WWTR1: variants seen among roughly 807,000 people sequenced by gnomAD.
WWTR1 encodes WW domain containing transcription regulator 1.
A neutral mutation model predicts 40.1 loss-of-function variants in WWTR1; 13 were observed. The ratio of observed to expected loss-of-function variants is 0.32; its 90% CI spans 0.21 to 0.52. The LOEUF is 0.52. Among genes scored for constraint, WWTR1 ranks in the 20% least tolerant of loss-of-function variants. The probability of loss-of-function intolerance (pLI) is 0.97; values close to 1 mark genes in which losing one functional copy is unlikely to be tolerated. For synonymous variants in WWTR1, 230 were observed against 210.1 expected, an observed-to-expected ratio of 1.09 and a Z score of -0.82; for missense variants, 436 against 523.1, an observed-to-expected ratio of 0.83 and a Z score of 1.63.
chr3:149,622,531 A>AAG (rs1740354022), intron 2 of WWTR1, among the ~76,000 whole-genome samples: 1 of 150,546 alleles, frequency 6.6e-6, no homozygotes, highest in South Asian at 2.1e-4. Flanking sequence ...GAAAGAAAGA[A>AAG]AGAAAGAAAG....
intron 2 of WWTR1, among the ~76,000 whole-genome samples, chr3:149,638,718 A>G (rs568724895): frequency 3.3e-5 from 5 of 152,194 alleles, no homozygotes; most frequent in South Asian, 2.1e-4. Flanking sequence ...TTGCTTCCAT[A>G]CAATTTATAT....
intron 2 of WWTR1, among the ~76,000 whole-genome samples, chr3:149,651,129 A>AT (rs34492465): frequency 2.0e-5 from 3 of 152,216 alleles, no homozygotes; most frequent in Admixed American, 1.3e-4. Flanking sequence ...AGCAGACAGT[A>AT]TTTTTTGAAT....
chr3:149,684,608 G>C (rs1413712111), intron 1 of WWTR1, among the ~76,000 whole-genome samples: 1 of 151,092 alleles, frequency 6.6e-6, no homozygotes, highest in African/African-American at 2.4e-5. Flanking sequence ...CTGTCACCCA[G>C]GCTGGAGTGC....
intron 1 of WWTR1, among the ~76,000 whole-genome samples, chr3:149,694,750 G>A (rs1042930566): frequency 5.3e-5 from 8 of 152,220 alleles, no homozygotes; most frequent in African/African-American, 1.9e-4. Flanking sequence ...ATGCAGAACA[G>A]TATGGTGGTG....
At chr3:149,600,955 C>T (rs984379354) in intron 2 of WWTR1, among the ~76,000 whole-genome samples, 62 of 151,950 alleles carry the variant, frequency 4.1e-4, no homozygotes, top group African/African-American at 1.4e-3. Flanking sequence ...GAAAATTAAT[C>T]CCTTGTCCCC....
intron 2 of WWTR1, among the ~76,000 whole-genome samples, chr3:149,603,164 C>T (rs1739324977): frequency 6.6e-6 from 1 of 152,082 alleles, no homozygotes; most frequent in African/African-American, 2.4e-5. Flanking sequence ...TCTCCACCCA[C>T]CCTGGGCTCA....
intron 1 of WWTR1, among the ~76,000 whole-genome samples, chr3:149,676,667 C>T (rs6763977): frequency 1.3e-5 from 2 of 149,358 alleles, no homozygotes; most frequent in African/African-American, 2.6e-5. Context: ...TTTGCCCATG[C>T]GCACAGTTAG....
At chr3:149,576,752 T>C (rs1737899781) in intron 2 of WWTR1, among the ~76,000 whole-genome samples, 1 of 145,300 alleles carries the variant, frequency 6.9e-6, no homozygotes, top group Admixed American at 6.7e-5. Flanking sequence ...TCACTGGTAA[T>C]TTTTTTTTTC....
chr3:149,533,716 A>T (rs931081809), intron 4 of WWTR1, among the ~76,000 whole-genome samples: 2 of 152,226 alleles, frequency 1.3e-5, no homozygotes, highest in Non-Finnish European at 2.9e-5. Context: ...ATGTTGTGGC[A>T]TCTTGAACTA....
At chr3:149,550,754 T>C (rs1736582671) in intron 3 of WWTR1, among the ~76,000 whole-genome samples, 1 of 109,766 alleles carries the variant, frequency 9.1e-6, no homozygotes, top group African/African-American at 3.8e-5. Flanking sequence ...AAGCAAGGGT[T>C]ATAAAAGACT....
Position 149,636,920 on chromosome 3 carries a change from T to A in WWTR1, c.431+19956A>T, listed in dbSNP as rs924629969. Reference sequence around the variant, plus strand: ...CAGAGGTTGCAGTGAGCTGGGATCATGCCACTGCACTCCAGCCTGGGCGAC... The same window carrying A: ...CAGAGGTTGCAGTGAGCTGGGATCAAGCCACTGCACTCCAGCCTGGGCGAC... On this transcript the variant is annotated intron_variant, in intron 2 of 6. Coordinates refer to ENST00000360632, the MANE Select transcript of WWTR1 (RefSeq NM_015472.6). Among the ~76,000 whole-genome samples, 3 of 122,712 alleles carry A rather than the reference T, an allele frequency of 2.4e-5. No homozygotes were observed. In the South Asian group the frequency reaches 8.0e-4, roughly 33 times the overall value. 80.5% of individuals were successfully genotyped at this position (122,712 alleles called of 152,430 possible).
At chr3:149,701,131 CCTTT>C (rs1364190168) in intron 1 of WWTR1, among the ~76,000 whole-genome samples, 2 of 152,032 alleles carry the variant, frequency 1.3e-5, no homozygotes, top group East Asian at 1.9e-4. Context: ...ATTTTAAAAG[CCTTT>C]CTTTTTTTTT....
chr3:149,571,382 G>A (rs1737622591), intron 3 of WWTR1, among the ~76,000 whole-genome samples: 1 of 151,962 alleles, frequency 6.6e-6, no homozygotes, highest in Admixed American at 6.6e-5. Flanking sequence ...CACCTAATTT[G>A]GGGTCTCTTT....
At chr3:149,658,124 C>G (rs1228974430), upstream of WWTR1, 1 of 153,780 alleles carries the variant, frequency 6.5e-6, no homozygotes, top group South Asian at 2.1e-4. Context: ...AGTCCCTAGC[C>G]GGCCAGCCCC....
chr3:149,612,111 G>A (rs112310729), intron 2 of WWTR1, among the ~76,000 whole-genome samples: 69 of 152,226 alleles, frequency 4.5e-4, no homozygotes, highest in African/African-American at 1.5e-3. Context: ...ACTCATATTG[G>A]AAAGGTTACC....
chr3:149,646,801 G>T (rs926484520), intron 2 of WWTR1, among the ~76,000 whole-genome samples: 1 of 152,132 alleles, frequency 6.6e-6, no homozygotes, highest in African/African-American at 2.4e-5. Context: ...GTTAACAATG[G>T]TACTTTCTAA....
At chr3:149,717,818 G>C (rs1175766185) in intron 4 of WWTR1, among the ~76,000 whole-genome samples, 2 of 152,074 alleles carry the variant, frequency 1.3e-5, no homozygotes, top group Non-Finnish European at 2.9e-5. Context: ...GGAAATTCAG[G>C]AACAAGACTA....
intron 2 of WWTR1, among the ~76,000 whole-genome samples, chr3:149,610,999 T>A (rs1249351488): frequency 2.6e-5 from 4 of 151,782 alleles, no homozygotes; most frequent in East Asian, 1.9e-4. Flanking sequence ...AAATTTTTTT[T>A]AAATTAGCTG....
intron 3 of WWTR1, among the ~76,000 whole-genome samples, chr3:149,559,293 C>CAAAAAAAAAAAAAAAAA (rs57470539): frequency 8.0e-4 from 46 of 57,774 alleles, no homozygotes; most frequent in Non-Finnish European, 9.5e-4. Context: ...GACTCCATCT[C>CAAAAAAAAAAAAAAAAA]AAAAAAAAAA....
Sources: gnomAD v4.1 joint callset for allele counts (sites outside exome capture counted in the v4.1 genomes callset) on GRCh38, gnomAD v4.1.1 for gene constraint, MANE v1.5 for transcripts, NCBI Gene and HGNC (gene_info 2026-07-23, HGNC 2026-07-21) for gene names.